FRMD4B: variants seen among roughly 807,000 people sequenced by gnomAD.
The protein encoded by FRMD4B is FERM domain-containing protein 4B.
FRMD4B carries 74 observed loss-of-function variants against 141.5 expected under a neutral mutation model. The observed-to-expected ratio is 0.52, with a 90% confidence interval of 0.43 to 0.63. The LOEUF is 0.63. Among genes scored for constraint, FRMD4B ranks in the 30% least tolerant of loss-of-function variants. FRMD4B has a pLI of 0.00. For missense variants in FRMD4B, 1,366 were observed against 1,253.4 expected (o/e 1.09, Z -1.36); for synonymous variants, 506 against 467.9 (o/e 1.08, Z -1.05).
intron 19 of FRMD4B, among the ~76,000 whole-genome samples, chr3:69,184,969 G>C (rs903514986): frequency 6.6e-6 from 1 of 152,178 alleles, no homozygotes; most frequent in African/African-American, 2.4e-5. Context: ...AACTGGGGCC[G>C]ATATGTGATA....
At chr3:69,444,027 G>C (rs1312758593) in intron 1 of FRMD4B, among the ~76,000 whole-genome samples, 1 of 151,916 alleles carries the variant, frequency 6.6e-6, no homozygotes, top group East Asian at 1.9e-4. Flanking sequence ...CCATACCAGG[G>C]ACTCAGCTGG....
chr3:69,229,253 T>C (rs1415200078), intron 7 of FRMD4B, among the ~76,000 whole-genome samples: 1 of 152,106 alleles, frequency 6.6e-6, no homozygotes, highest in Non-Finnish European at 1.5e-5. Flanking sequence ...CTCAAACTCC[T>C]GGCCTCCAGC....
chr3:69,274,172 A>C (rs924317322), intron 5 of FRMD4B, among the ~76,000 whole-genome samples: 14 of 152,286 alleles, frequency 9.2e-5, no homozygotes, highest in African/African-American at 3.4e-4. Flanking sequence ...TGTCCTGTCA[A>C]GGGGCTTACT....
At chr3:69,426,432 C>T (rs1267496846) in intron 2 of FRMD4B, among the ~76,000 whole-genome samples, 1 of 152,088 alleles carries the variant, frequency 6.6e-6, no homozygotes, top group East Asian at 1.9e-4. Context: ...GAATTTACGA[C>T]TTAGCCTTAG....
intron 5 of FRMD4B, among the ~76,000 whole-genome samples, chr3:69,284,194 T>C (rs888919016): frequency 2.0e-5 from 3 of 151,996 alleles, no homozygotes; most frequent in African/African-American, 7.3e-5. Flanking sequence ...GAGATCAAAA[T>C]GAATAGAATT....
At chr3:69,431,211 T>G (rs1371117216) in intron 2 of FRMD4B, among the ~76,000 whole-genome samples, 1 of 152,264 alleles carries the variant, frequency 6.6e-6, no homozygotes, top group Non-Finnish European at 1.5e-5. Context: ...AAGATGGTCT[T>G]ATTTGTAACT....
At chr3:69,327,566 T>G (rs1702225454) in intron 1 of FRMD4B, among the ~76,000 whole-genome samples, 1 of 152,250 alleles carries the variant, frequency 6.6e-6, no homozygotes, top group Non-Finnish European at 1.5e-5. Flanking sequence ...CCTGTTAGAA[T>G]GTCTCTGATT....
intron 7 of FRMD4B, among the ~76,000 whole-genome samples, chr3:69,237,020 G>T (rs983721331): frequency 6.6e-6 from 1 of 152,196 alleles, no homozygotes; most frequent in Non-Finnish European, 1.5e-5. Context: ...AGCCGGGTAA[G>T]CGAGGTGAAT....
chr3:69,347,315 C>G (rs1174124722), intron 1 of FRMD4B, among the ~76,000 whole-genome samples: 1 of 152,166 alleles, frequency 6.6e-6, no homozygotes, highest in Non-Finnish European at 1.5e-5. Context: ...AATACAGGAG[C>G]ACCCAGATTC....
At chr3:69,206,546 G>A (rs569551290) in intron 11 of FRMD4B, among the ~76,000 whole-genome samples, 7 of 152,304 alleles carry the variant, frequency 4.6e-5, no homozygotes, top group Admixed American at 3.3e-4. Flanking sequence ...CAGAGCTGAT[G>A]TAATGACATC....
At position 69,366,060 on chromosome 3, in the gene FRMD4B, AACACACACACACACAC is replaced by A. The variant is rs4063529; in HGVS notation, c.162+19752_162+19767del. ...ACATGGAAAAACCCCACCTCTACAA[AACACACACACACACAC>A]ACACACACACACACACACACACACA... On this transcript the variant is annotated intron_variant, in intron 1 of 22. Transcript: ENST00000398540. Among the ~76,000 whole-genome samples, 162 of 127,192 alleles carry A rather than the reference AACACACACACACACAC, an allele frequency of 1.3e-3. 1 individual carries two copies. The highest frequency in any genetic ancestry group is 4.3e-3 in the African/African-American group (134 of 31,488). 83.4% of individuals were successfully genotyped at this position (127,192 alleles called of 152,430 possible).
At chr3:69,372,168 G>A (rs1158706349) in intron 1 of FRMD4B, among the ~76,000 whole-genome samples, 1 of 152,160 alleles carries the variant, frequency 6.6e-6, no homozygotes, top group Non-Finnish European at 1.5e-5. Context: ...CACGTGCCAA[G>A]CTCCTTCTCA....
intron 1 of FRMD4B, among the ~76,000 whole-genome samples, chr3:69,533,588 TA>T (rs2107161409): frequency 6.6e-6 from 1 of 152,318 alleles, no homozygotes; most frequent in Admixed American, 6.5e-5. Flanking sequence ...AAAGGGAACT[TA>T]TTCTGATCCA....
At chr3:69,506,880 T>A (rs1706605199) in intron 1 of FRMD4B, among the ~76,000 whole-genome samples, 1 of 152,160 alleles carries the variant, frequency 6.6e-6, no homozygotes, top group African/African-American at 2.4e-5. Flanking sequence ...CTGGAGACAG[T>A]GCACACTGCG....
At chr3:69,471,499 G>A (rs913232601) in intron 1 of FRMD4B, 97 of 258,324 alleles carry the variant, frequency 3.8e-4, no homozygotes, top group African/African-American at 2.0e-3. Flanking sequence ...AAATAGGTAA[G>A]CGTCAGAAGA....
intron 5 of FRMD4B, among the ~76,000 whole-genome samples, chr3:69,281,563 C>T (rs892344666): frequency 6.6e-6 from 1 of 152,030 alleles, no homozygotes; most frequent in Non-Finnish European, 1.5e-5. Flanking sequence ...CGGCAGCTCA[C>T]GCCTGTAATC....
At chr3:69,335,063 C>T (rs1376933527) in intron 1 of FRMD4B, among the ~76,000 whole-genome samples, 1 of 152,136 alleles carries the variant, frequency 6.6e-6, no homozygotes, top group Non-Finnish European at 1.5e-5. Context: ...GCAGAAGGAT[C>T]GCTTGAGCCC....
intron 11 of FRMD4B, chr3:69,200,459 T>G: frequency 2.0e-6 from 2 of 993,852 alleles, no homozygotes; most frequent in Non-Finnish European, 2.4e-6. Flanking sequence ...AGGAAAAACC[T>G]CAGGGTTCTT....
At chr3:69,172,786 CCCATT>C (rs1168342142) in intron 22 of FRMD4B, among the ~76,000 whole-genome samples, 5 of 152,008 alleles carry the variant, frequency 3.3e-5, no homozygotes. Context: ...TAAGCAAAAC[CCCATT>C]ATTGTAACGG....
Sources: allele counts gnomAD v4.1 joint callset (sites outside exome capture counted in the v4.1 genomes callset), GRCh38; gene constraint gnomAD v4.1.1; transcripts MANE v1.5; gene names NCBI Gene and HGNC (gene_info 2026-07-23, HGNC 2026-07-21).